ENY2: variants seen among roughly 807,000 people sequenced by gnomAD.
ENY2 encodes the protein ENY2 transcription and export complex 2 subunit.
Under a neutral mutation model 15.9 loss-of-function variants are expected in ENY2, and 4 were observed. The ratio of observed to expected loss-of-function variants is 0.25; its 90% CI spans 0.12 to 0.57. The LOEUF is 0.57. ENY2 is among the 20% of genes least tolerant of loss of function. ENY2 has a pLI of 0.91. For missense variants in ENY2, 54 were observed against 117.2 expected (o/e 0.46, Z 2.49); for synonymous variants, 48 against 38.0 (o/e 1.26, Z -0.97).
intron 4 of ENY2, among the ~76,000 whole-genome samples, chr8:109,341,203 A>G (rs1816105825): frequency 6.6e-6 from 1 of 152,152 alleles, no homozygotes; most frequent in African/African-American, 2.4e-5. Context: ...ATTTTCATTT[A>G]CTTTGGTAAA....
chr8:109,340,608 ATT>A, intron 4 of ENY2, 45 bp downstream of exon 4: 2 of 1,600,596 alleles, frequency 1.2e-6, no homozygotes, highest in Non-Finnish European at 1.7e-6. Context: ...TGCAGACATG[ATT>A]TTTTTAAAAT....
At chr8:109,341,443 G>A (rs1008545126) in intron 4 of ENY2, among the ~76,000 whole-genome samples, 1 of 151,726 alleles carries the variant, frequency 6.6e-6, no homozygotes, top group Non-Finnish European at 1.5e-5. Context: ...CTTCAAGTAT[G>A]TCTCGGGGAA....
intron 4 of ENY2, 45 bp downstream of exon 4, chr8:109,340,608 A>AT (rs767626887): frequency 1.2e-6 from 2 of 1,600,596 alleles, no homozygotes; most frequent in Non-Finnish European, 1.7e-6. Flanking sequence ...TGCAGACATG[A>AT]TTTTTTTAAA....
intron 2 of ENY2, chr8:109,336,487 C>T (rs1281935196): frequency 1.9e-5 from 5 of 269,222 alleles, no homozygotes; most frequent in Non-Finnish European, 3.6e-5. Flanking sequence ...CATAATGTTA[C>T]CTGGGTTTTA....
chr8:109,338,573 A>T (rs1415303796), intron 2 of ENY2: 2 of 152,164 alleles, frequency 1.3e-5, no homozygotes, highest in Non-Finnish European at 2.9e-5. Flanking sequence ...TTTGTTTGGG[A>T]TGTGACATTT....
intron 1 of ENY2, chr8:109,335,833 T>G: frequency 9.5e-6 from 2 of 210,340 alleles, no homozygotes; most frequent in African/African-American, 2.3e-5. Flanking sequence ...CCACTTTCTA[T>G]CTCTGTGCCT....
At chr8:109,334,710 G>A (rs1815917607) in intron 1 of ENY2, 2 of 560,558 alleles carry the variant, frequency 3.6e-6, no homozygotes, top group Non-Finnish European at 6.2e-6. Context: ...GTCTGAACTG[G>A]GAGGGATACC....
chr8:109,343,418 C>G lies in ENY2; in HGVS notation c.243C>G (p.Asp81Glu), dbSNP rs1394731349. Reference protein sequence around the residue: ...ITPKGRALVPDSVKKELLQRI... With the variant: ...ITPKGRALVPESVKKELLQRI... The stretch of plus-strand genomic sequence containing the variant: ...TTTGTTTTTCAGCCCTGGTACCTGA[C>G]AGTGTAAAGAAGGAGCTCCTACAAA... Residue 81 changes from aspartate (D) to glutamate (E), a missense_variant, in exon 5 of 5, where the codon GAC becomes GAG. By Grantham distance (45) the Asp-to-Glu change is conservative. Coordinates refer to ENST00000521688, the MANE Select transcript of ENY2 (RefSeq NM_020189.6). 2.5e-6 allele frequency: 4 copies of G among 1,610,370 alleles called. No homozygotes were observed. The highest frequency in any genetic ancestry group is 3.4e-6 in the Non-Finnish European group (4 of 1,178,688).
chr8:109,342,700 C>T (rs1816148715), intron 4 of ENY2: 3 of 697,810 alleles, frequency 4.3e-6, no homozygotes, highest in Non-Finnish European at 7.8e-6. Context: ...AGACAGGTTT[C>T]GCCATGTTGC....
chr8:109,339,978 T>C (rs1444686800), intron 3 of ENY2, among the ~76,000 whole-genome samples: 1 of 152,182 alleles, frequency 6.6e-6, no homozygotes, highest in Non-Finnish European at 1.5e-5. Flanking sequence ...AAGAAGGCAA[T>C]GTGACAAATT....
At chr8:109,343,144 GTCT>G (rs936529584) in intron 4 of ENY2, among the ~76,000 whole-genome samples, 5 of 152,044 alleles carry the variant, frequency 3.3e-5, no homozygotes, top group African/African-American at 1.2e-4. Context: ...TTTAAAAATG[GTCT>G]TCTTTACTCC....
At chr8:109,335,339 A>G (rs1815941527) in intron 1 of ENY2, 1 of 150,792 alleles carries the variant, frequency 6.6e-6, no homozygotes. Flanking sequence ...CTTATCTAGT[A>G]ATTTTATTTT....
At chr8:109,339,135 C>T (rs551359669) in intron 2 of ENY2, 185 bp from the exon 3 acceptor site, 1 of 579,202 alleles carries the variant, frequency 1.7e-6, no homozygotes, top group East Asian at 2.8e-5. Context: ...AAATGAAAGG[C>T]CTAGAATTTA....
At chr8:109,337,586 T>G (rs2926242) in intron 2 of ENY2, among the ~76,000 whole-genome samples, 29,151 of 151,982 alleles carry the variant, frequency 0.19, 3,209 homozygotes, top group East Asian at 0.35. Flanking sequence ...AGGTGTAATA[T>G]TTTAGATAGA....
In ENY2 at chr8:109,343,576, A is replaced by G; in HGVS notation, c.*95A>G. The G allele has an allele frequency of 8.9e-7, 1 of 1,122,282 alleles. No homozygotes were observed. Among genetic ancestry groups the G allele is most frequent in the Non-Finnish European group, 1.3e-6 (1 of 768,942 alleles). 69.5% of individuals were successfully genotyped at this position (1,122,282 alleles called of 1,614,324 possible). ...TTCCCAAAATAAAATCCTTTTTTGT[A>G]TGATGGTATACAGTTTTCAGTAATG... On this transcript the variant is annotated 3_prime_UTR_variant, in exon 5 of 5. Transcript: ENST00000521688.
intron 4 of ENY2, among the ~76,000 whole-genome samples, chr8:109,341,494 T>G (rs1005106141): frequency 6.6e-6 from 1 of 152,172 alleles, no homozygotes; most frequent in Non-Finnish European, 1.5e-5. Flanking sequence ...TTTATATTTT[T>G]AAATTTCTCT....
intron 1 of ENY2, 75 bp from the exon 2 acceptor site, chr8:109,336,053 G>A (rs1815975736): frequency 3.0e-6 from 4 of 1,345,972 alleles, no homozygotes; most frequent in Non-Finnish European, 4.2e-6. Flanking sequence ...AAACATGTTA[G>A]GATGCCTGCC....
chr8:109,340,882 T>C, intron 4 of ENY2: 1 of 212,864 alleles, frequency 4.7e-6, no homozygotes, highest in Non-Finnish European at 9.4e-6. Flanking sequence ...TTATCAGATA[T>C]GGCATGACTC....
At chr8:109,339,219 G>A in intron 2 of ENY2, 101 bp from the exon 3 acceptor site, 1 of 1,035,542 alleles carries the variant, frequency 9.7e-7, no homozygotes, top group South Asian at 1.4e-5. Context: ...TTTGTAACTG[G>A]AAGGCAGGGA....
Sources: allele counts gnomAD v4.1 joint callset (sites outside exome capture counted in the v4.1 genomes callset), GRCh38; gene constraint gnomAD v4.1.1; transcripts MANE v1.5; gene names NCBI Gene and HGNC (gene_info 2026-07-23, HGNC 2026-07-21).